The following CNTNAP2 variants were observed in gnomAD, a reference collection of about 807,000 sequenced individuals.
The protein encoded by CNTNAP2 is contactin associated protein 2.
A neutral mutation model predicts 155.2 loss-of-function variants in CNTNAP2; 98 were observed. The ratio of observed to expected loss-of-function variants is 0.63; its 90% CI spans 0.54 to 0.75. The LOEUF (loss-of-function observed/expected upper bound fraction) is 0.75, where lower values mean the gene tolerates loss of function less well. Ranked by LOEUF, CNTNAP2 falls within the 30% of genes least tolerant of loss-of-function variation. The probability of loss-of-function intolerance (pLI) is 0.00; values close to 1 mark genes in which losing one functional copy is unlikely to be tolerated. For synonymous variants in CNTNAP2, 651 were observed against 631.2 expected (o/e 1.03, Z -0.47); for missense variants, 1,727 against 1,688.1 (o/e 1.02, Z -0.40).
At chr7:147,661,552 CTTCT>C (rs757687614) in intron 13 of CNTNAP2, among the ~76,000 whole-genome samples, 1,614 of 136,454 alleles carry the variant, frequency 0.012, 33 homozygotes, top group African/African-American at 0.05. Context: ...GCTTCTTCTT[CTTCT>C]TTTTTTTTTT....
intron 15 of CNTNAP2, among the ~76,000 whole-genome samples, chr7:148,081,111 T>C (rs796796216): frequency 5.9e-5 from 9 of 152,310 alleles, no homozygotes; most frequent in African/African-American, 1.9e-4. Flanking sequence ...ATGTAAAATC[T>C]CAATGACAAA....
At chr7:147,918,587 T>C (rs1405971474) in intron 14 of CNTNAP2, among the ~76,000 whole-genome samples, 2 of 152,246 alleles carry the variant, frequency 1.3e-5, no homozygotes, top group African/African-American at 4.8e-5. Context: ...AATGACTTTA[T>C]TAATTTTTTT....
intron 22 of CNTNAP2, among the ~76,000 whole-genome samples, chr7:148,387,421 A>C (rs1433896541): frequency 2.0e-5 from 3 of 152,202 alleles, no homozygotes; most frequent in Admixed American, 1.3e-4. Flanking sequence ...AAATAACGTG[A>C]GGTACTTGAG....
At chr7:146,926,883 G>T (rs1466791843) in intron 3 of CNTNAP2, among the ~76,000 whole-genome samples, 1 of 152,030 alleles carries the variant, frequency 6.6e-6, no homozygotes, top group Non-Finnish European at 1.5e-5. Flanking sequence ...ACATTTTAGA[G>T]CTTCTATTGC....
intron 10 of CNTNAP2, among the ~76,000 whole-genome samples, chr7:147,420,767 CTG>C (rs1285152295): frequency 6.6e-6 from 1 of 152,136 alleles, no homozygotes; most frequent in Non-Finnish European, 1.5e-5. Flanking sequence ...TAATTTTACT[CTG>C]TATTAATGTT....
chr7:147,321,982 T>TA (rs1795359926), intron 9 of CNTNAP2, among the ~76,000 whole-genome samples: 1 of 152,164 alleles, frequency 6.6e-6, no homozygotes, highest in Non-Finnish European at 1.5e-5. Flanking sequence ...AATATAGAAT[T>TA]AGACTGTTCA....
chr7:147,476,489 C>A (rs1338781754), intron 10 of CNTNAP2, among the ~76,000 whole-genome samples: 3 of 152,144 alleles, frequency 2.0e-5, no homozygotes, highest in African/African-American at 7.2e-5. Flanking sequence ...ATTCTCCCAA[C>A]ATCTAGGTAC....
chr7:146,589,982 C>T (rs115314787), intron 1 of CNTNAP2, among the ~76,000 whole-genome samples: 2,468 of 152,248 alleles, frequency 0.016, 52 homozygotes, highest in African/African-American at 0.056. Flanking sequence ...GCCCCTTTCA[C>T]TCACATTACT....
intron 13 of CNTNAP2, among the ~76,000 whole-genome samples, chr7:147,777,551 G>C (rs1797604477): frequency 6.6e-6 from 1 of 152,116 alleles, no homozygotes; most frequent in African/African-American, 2.4e-5. Flanking sequence ...TGTACACTGG[G>C]CCCTGCTCCC....
chr7:146,302,375 T>C (rs1416337702), intron 1 of CNTNAP2, among the ~76,000 whole-genome samples: 1 of 152,156 alleles, frequency 6.6e-6, no homozygotes, highest in African/African-American at 2.4e-5. Flanking sequence ...AAATGGTTTA[T>C]ATATGTGATC....
chr7:147,985,979 C>T (rs1158672923), intron 15 of CNTNAP2, among the ~76,000 whole-genome samples: 1 of 152,128 alleles, frequency 6.6e-6, no homozygotes, highest in Non-Finnish European at 1.5e-5. Flanking sequence ...ACCCTGTTTT[C>T]CTAGACCCCT....
At chr7:148,041,272 G>T (rs931701542) in intron 15 of CNTNAP2, among the ~76,000 whole-genome samples, 2 of 152,194 alleles carry the variant, frequency 1.3e-5, no homozygotes, top group African/African-American at 4.8e-5. Flanking sequence ...GCCCACAACT[G>T]CAATTAACAG....
chr7:147,962,371 G>A (rs1041688298), intron 14 of CNTNAP2, among the ~76,000 whole-genome samples: 4 of 152,212 alleles, frequency 2.6e-5, no homozygotes, highest in African/African-American at 7.2e-5. Flanking sequence ...CTATGCAAGA[G>A]GCAGCCAAGC....
chr7:148,017,705 C>T (rs988876679), intron 15 of CNTNAP2, among the ~76,000 whole-genome samples: 11 of 152,194 alleles, frequency 7.2e-5, no homozygotes, highest in African/African-American at 2.7e-4. Flanking sequence ...TCAAGATCTT[C>T]CGCTATGGAG....
At chr7:147,268,570 T>G (rs1804669447) in intron 8 of CNTNAP2, among the ~76,000 whole-genome samples, 1 of 152,070 alleles carries the variant, frequency 6.6e-6, no homozygotes, top group Admixed American at 6.6e-5. Flanking sequence ...GATGACAGAT[T>G]GATGGCTGCA....
chr7:148,387,303 G>A (rs1405173522), intron 22 of CNTNAP2, among the ~76,000 whole-genome samples: 4 of 152,188 alleles, frequency 2.6e-5, no homozygotes, highest in East Asian at 1.9e-4. Flanking sequence ...TGGACTTTAC[G>A]GTTTTGCACT....
At chr7:146,748,145 T>G (rs1357395165) in intron 1 of CNTNAP2, among the ~76,000 whole-genome samples, 1 of 138,910 alleles carries the variant, frequency 7.2e-6, no homozygotes, top group East Asian at 2.1e-4. Context: ...TTTCTTTTCT[T>G]TTTTTTTTTT....
chr7:146,881,701 T>C (rs889938402), intron 3 of CNTNAP2, among the ~76,000 whole-genome samples: 1 of 150,550 alleles, frequency 6.6e-6, no homozygotes, highest in African/African-American at 2.4e-5. Flanking sequence ...ATACAAGTTT[T>C]ACCCCCAAGA....
intron 1 of CNTNAP2, among the ~76,000 whole-genome samples, chr7:146,623,757 T>TA (rs1295765114): frequency 2.6e-5 from 4 of 152,180 alleles, no homozygotes; most frequent in African/African-American, 4.8e-5. Context: ...GTTGAGTAAA[T>TA]ACCTAGCATT....
Sources: allele counts gnomAD v4.1 joint callset (sites outside exome capture counted in the v4.1 genomes callset), GRCh38; gene constraint gnomAD v4.1.1; transcripts MANE v1.5; gene names NCBI Gene and HGNC (gene_info 2026-07-23, HGNC 2026-07-21).